Variants in CCDC180 observed in about 807,000 individuals in gnomAD.
CCDC180 encodes the protein coiled-coil domain containing 180, also known as coiled-coil domain-containing protein 180.
CCDC180 carries 154 observed loss-of-function variants against 209.2 expected under a neutral mutation model. That is an observed-to-expected ratio of 0.74 (90% confidence interval 0.65 to 0.84). The LOEUF is 0.84. Ranked by LOEUF, CCDC180 falls within the 40% of genes least tolerant of loss-of-function variation. The probability of loss-of-function intolerance (pLI) is 0.00; values close to 1 mark genes in which losing one functional copy is unlikely to be tolerated. For synonymous variants in CCDC180, 778 were observed against 749.1 expected (o/e 1.04, Z -0.63); for missense variants, 1,874 against 1,997.3 (o/e 0.94, Z 1.18).
rs1392760859 is a variant in CCDC180 at position 97,347,467 on chromosome 9, A to C, written c.2652A>C (p.Lys884Asn). 6.5e-6 allele frequency: 10 copies of C among 1,536,138 alleles called. No homozygotes were observed. The highest frequency in any genetic ancestry group is 1.7e-4 in the Middle Eastern group (1 of 5,976). The change falls in exon 20 of 37, where the codon AAA becomes AAC. Residue 884 changes from lysine to asparagine, a missense_variant. Transcript: ENST00000529487. ...AGCCAAGAGCCCAGCAGATTGAAAA[A>C]GACATCCACAACGTCAGGGCAGGTA... Reference protein sequence around the residue: ...LHQPRAQQIEKDIHNVRAAEL... With the variant: ...LHQPRAQQIENDIHNVRAAEL...
intron 12 of CCDC180, 82 bp from the exon 13 acceptor site, chr9:97,323,699 A>G (rs1833432127): frequency 4.1e-6 from 6 of 1,456,154 alleles, no homozygotes; most frequent in Admixed American, 4.6e-5. Context: ...GACTTGTGCA[A>G]CGCTGAGGCC....
At chr9:97,324,251 G>A (rs1453294779) in intron 13 of CCDC180, among the ~76,000 whole-genome samples, 1 of 152,142 alleles carries the variant, frequency 6.6e-6, no homozygotes, top group Non-Finnish European at 1.5e-5. Flanking sequence ...TCTGTGAAGG[G>A]CCAGATGGTG....
intron 20 of CCDC180, among the ~76,000 whole-genome samples, chr9:97,348,263 G>C (rs770928011): frequency 2.6e-5 from 4 of 152,152 alleles, no homozygotes; most frequent in Admixed American, 6.5e-5. Context: ...CCTGGAGCAG[G>C]GAAAGAGTTG....
At chr9:97,324,953 T>G in intron 13 of CCDC180, 66 bp from the exon 14 acceptor site, 1 of 1,476,828 alleles carries the variant, frequency 6.8e-7, no homozygotes. Flanking sequence ...GTCCCACAGG[T>G]GGGCCCTCTT....
intron 31 of CCDC180, among the ~76,000 whole-genome samples, chr9:97,368,271 TA>T (rs2117956448): frequency 6.6e-6 from 1 of 152,336 alleles, no homozygotes; most frequent in South Asian, 2.1e-4. Flanking sequence ...CTCTGAGTGA[TA>T]AATTGAGTAG....
At chr9:97,357,040 G>C (rs1826604325) in intron 24 of CCDC180, among the ~76,000 whole-genome samples, 1 of 152,188 alleles carries the variant, frequency 6.6e-6, no homozygotes, top group African/African-American at 2.4e-5. Flanking sequence ...TTTTACTTAA[G>C]CATTCCTTTC....
At chr9:97,369,728 A>T (rs562937205) in intron 31 of CCDC180, 194 bp from the exon 32 acceptor site, 2 of 548,450 alleles carry the variant, frequency 3.6e-6, no homozygotes, top group Admixed American at 6.5e-5. Context: ...GGTGTAAGCC[A>T]CTGCAGCTGG....
chr9:97,348,495 G>C (rs760903380), intron 20 of CCDC180, among the ~76,000 whole-genome samples: 4 of 152,172 alleles, frequency 2.6e-5, no homozygotes, highest in South Asian at 2.1e-4. Flanking sequence ...GGCCAGAGAA[G>C]CAAAGTCCCA....
At chr9:97,340,167 C>T (rs1034772149) in intron 18 of CCDC180, among the ~76,000 whole-genome samples, 9 of 152,188 alleles carry the variant, frequency 5.9e-5, no homozygotes, top group East Asian at 5.8e-4. Context: ...TCTGTCAACT[C>T]GTCAAAGTCA....
intron 8 of CCDC180, 24 bp from the exon 9 acceptor site, chr9:97,317,029 TGCCCTGTCTAGA>T (rs755053668): frequency 6.4e-7 from 1 of 1,568,818 alleles, no homozygotes; most frequent in South Asian, 1.2e-5. Flanking sequence ...AGAGAGACCC[TGCCCTGTCTAGA>T]GCCCTGCCCA....
Position 97,330,377 on chromosome 9 carries a change from G to C in CCDC180, c.1884G>C (p.Gly628=), listed in dbSNP as rs1296726023. 1 of 1,614,036 alleles carries C rather than the reference G, an allele frequency of 6.2e-7. No homozygotes were observed. Among genetic ancestry groups the C allele is most frequent in the South Asian group, 1.1e-5 (1 of 91,088 alleles). The stretch of plus-strand genomic sequence containing the variant: ...TGAAAAAACTGAGGAAGAAGCAAGG[G>C]TCTAAAGAGGACATGACCAGAAGTG... The part of the protein sequence containing the change: ...KRVKKLRKKQ[G]SKEDMTRSEE... The change falls in exon 18 of 37, where the codon GGG becomes GGC. Residue 628 remains glycine, a synonymous_variant. Coordinates refer to ENST00000529487, the MANE Select transcript of CCDC180 (RefSeq NM_020893.6).
chr9:97,327,197 A>C (rs1833561290), intron 15 of CCDC180, among the ~76,000 whole-genome samples: 1 of 152,084 alleles, frequency 6.6e-6, no homozygotes, highest in Non-Finnish European at 1.5e-5. Flanking sequence ...AAACATGTAC[A>C]TTCTTGTTAA....
At position 97,317,174 on chromosome 9, in the gene CCDC180, G is replaced by A. The variant is rs1587785033; in HGVS notation, c.905G>A (p.Gly302Asp). 2 of 1,612,768 alleles carry A rather than the reference G, an allele frequency of 1.2e-6. No homozygotes were observed. The highest frequency in any genetic ancestry group is 1.7e-6 in the Non-Finnish European group (2 of 1,179,340). ...CTGGACAGCCGCCACCGCTGGCAAG[G>A]CTTGGTGGACACCTGGAAGGCTCTC... Reference protein sequence around the residue: ...QELDSRHRWQGLVDTWKALKK... With the variant: ...QELDSRHRWQDLVDTWKALKK... The change falls in exon 9 of 37, where the codon GGC becomes GAC. Residue 302 changes from glycine to aspartate, a missense_variant. By Grantham distance (94) the Gly-to-Asp change is moderately conservative (BLOSUM62 -1). Transcript: ENST00000529487.
rs988886665 is a variant in CCDC180 at position 97,357,133 on chromosome 9, A to C, written c.3265-494A>C. On this transcript the variant is annotated intron_variant, in intron 24 of 36. Coordinates refer to ENST00000529487, the MANE Select transcript of CCDC180 (RefSeq NM_020893.6). Reference sequence around the variant, plus strand: ...GCACTTGCCAGGACAGTCTGACTGCATCCTTCGGACGCCTCCTGGAAGCCA... The same window carrying C: ...GCACTTGCCAGGACAGTCTGACTGCCTCCTTCGGACGCCTCCTGGAAGCCA... 7.9e-5 allele frequency among the ~76,000 whole-genome samples: 12 copies of C among 152,350 alleles called. No homozygotes were observed. The East Asian group carries it at 1.9e-3, about 24-fold the overall frequency.
Position 97,361,802 on chromosome 9 carries a change from T to G in CCDC180, c.3560T>G (p.Leu1187Arg). The change falls in exon 27 of 37, where the codon CTG (leucine) becomes CGG (arginine). Residue 1187 changes from leucine (L) to arginine (R), a missense_variant. Physicochemically the swap from Leu to Arg is moderately radical, Grantham distance 102. Transcript: ENST00000529487. ...SSEALEEEAKLDVVTPESFTQ... is the reference protein window; with the variant it reads ...SSEALEEEAKRDVVTPESFTQ... ...GAAGCCCTTGAAGAGGAGGCCAAGC[T>G]GGACGTGGTCACCCCTGAGTCCTTC... 6.2e-7 allele frequency: 1 copy of G among 1,614,184 alleles called. No individual in the cohort carries two copies. Among genetic ancestry groups the G allele is most frequent in the Non-Finnish European group, 8.5e-7 (1 of 1,180,026 alleles).
rs1321517845 is a variant in CCDC180 at position 97,350,442 on chromosome 9, G to C, written c.2889G>C (p.Glu963Asp). The change falls in exon 22 of 37, where the codon GAG becomes GAC. Residue 963 changes from glutamate to aspartate, a missense_variant. Physicochemically the swap from Glu to Asp is conservative, Grantham distance 45. Transcript: ENST00000529487. The stretch of plus-strand genomic sequence containing the variant: ...CTCTCAGCAACACACTGCACCAGGA[G>C]TTGCTTAGCTATGTTGATGTCACCC... ...LVTLSNTLHQELLSYVDVTQV... is the reference protein window; with the variant it reads ...LVTLSNTLHQDLLSYVDVTQV... The C allele has an allele frequency of 3.3e-6, 5 of 1,535,958 alleles. No homozygotes were observed. Among genetic ancestry groups the C allele is most frequent in the Non-Finnish European group, 4.4e-6 (5 of 1,146,954 alleles).
Position 97,307,709 on chromosome 9 carries a change from A to G in CCDC180, c.-179A>G. The G allele has an allele frequency of 1.2e-6, 2 of 1,610,014 alleles. No individual in the cohort carries two copies. Among genetic ancestry groups the G allele is most frequent in the Non-Finnish European group, 1.7e-6 (2 of 1,176,526 alleles). On this transcript the variant is annotated 5_prime_UTR_variant, in exon 1 of 37. Coordinates refer to ENST00000529487, the MANE Select transcript of CCDC180 (RefSeq NM_020893.6). ...AGCATGGCAGAGTGAAGCACAAGCA[A>G]TAATCCTGTATTATTCGCGTTCCCA...
chr9:97,355,117 T>C, intron 24 of CCDC180, 109 bp downstream of exon 24: 1 of 700,832 alleles, frequency 1.4e-6, no homozygotes. Flanking sequence ...TGTGTGGGAC[T>C]TGCTCTCCAG....
Position 97,327,887 on chromosome 9 carries a change from A to C in CCDC180, c.1662-133A>C, listed in dbSNP as rs1199161058. 1.1e-5 allele frequency: 10 copies of C among 940,934 alleles called. No individual in the cohort carries two copies. The East Asian group carries it at 2.6e-4, about 25-fold the overall frequency. 58.3% of individuals were successfully genotyped at this position (940,934 alleles called of 1,614,324 possible). ...TATGATCAGAAAAATAGCATAGCCAAGGACTGCTGCTATAAAAGAGCAGCC... is the reference window on the plus strand; with the variant it reads ...TATGATCAGAAAAATAGCATAGCCACGGACTGCTGCTATAAAAGAGCAGCC... On this transcript the variant is annotated intron_variant, in intron 15 of 36. Transcript: ENST00000529487.
Sources: gnomAD v4.1 joint callset for allele counts (sites outside exome capture counted in the v4.1 genomes callset) on GRCh38, gnomAD v4.1.1 for gene constraint, MANE v1.5 for transcripts, NCBI Gene and HGNC (gene_info 2026-07-23, HGNC 2026-07-21) for gene names.